Variants in ST6GALNAC5 observed in about 807,000 individuals in gnomAD.
ST6GALNAC5 encodes the protein alpha-N-acetylgalactosaminide alpha-2,6-sialyltransferase 5.
ST6GALNAC5 carries 27 observed loss-of-function variants against 33.6 expected under a neutral mutation model. That is an observed-to-expected ratio of 0.80 (90% CI 0.59 to 1.11). The LOEUF is 1.11. Among genes scored for constraint, ST6GALNAC5 ranks in the 50% least tolerant of loss-of-function variants. The pLI is 0.00. For synonymous variants in ST6GALNAC5, 194 were observed against 171.2 expected, an observed-to-expected ratio of 1.13 and a Z score of -1.04; for missense variants, 428 against 454.0, an observed-to-expected ratio of 0.94 and a Z score of 0.52.
At chr1:77,042,129 G>A (rs1651851915) in intron 2 of ST6GALNAC5, among the ~76,000 whole-genome samples, 6 of 152,182 alleles carry the variant, frequency 3.9e-5, no homozygotes, top group Admixed American at 3.9e-4. Flanking sequence ...TAAAATGGGA[G>A]TGATAATATA....
intron 2 of ST6GALNAC5, among the ~76,000 whole-genome samples, chr1:76,913,539 G>A (rs1213842380): frequency 3.3e-5 from 5 of 152,018 alleles, no homozygotes; most frequent in Admixed American, 1.3e-4. Context: ...CATTCTCCCC[G>A]TCACTTTCAG....
intron 2 of ST6GALNAC5, among the ~76,000 whole-genome samples, chr1:76,958,420 T>C (rs1406025943): frequency 6.6e-6 from 1 of 152,198 alleles, no homozygotes; most frequent in Non-Finnish European, 1.5e-5. Context: ...GTTTTGACTC[T>C]CATTTTCTAA....
intron 2 of ST6GALNAC5, among the ~76,000 whole-genome samples, chr1:76,935,591 ATTGG>A (rs1242508315): frequency 6.6e-6 from 1 of 151,864 alleles, no homozygotes; most frequent in Admixed American, 6.6e-5. Context: ...TTGGTGTTGT[ATTGG>A]TTGGTTGTTA....
At position 76,977,156 on chromosome 1, in the gene ST6GALNAC5, A is replaced by G. The variant is rs775711099; in HGVS notation, c.262-67048A>G. Among the ~76,000 whole-genome samples, 189 of 151,836 alleles carry G rather than the reference A, an allele frequency of 1.2e-3. 2 individuals carry two copies. Among genetic ancestry groups the G allele is most frequent in the Middle Eastern group, 3.4e-3 (1 of 292 alleles). On this transcript the variant is annotated intron_variant, in intron 2 of 4. Transcript: ENST00000477717. ...TATTTAATACATTTCTTTCCACTTT[A>G]TTTTTCATTACTAATAAGTTTTTTA...
At chr1:76,922,935 CAA>C (rs552411649) in intron 2 of ST6GALNAC5, among the ~76,000 whole-genome samples, 27 of 93,268 alleles carry the variant, frequency 2.9e-4, no homozygotes, top group East Asian at 3.1e-4. Flanking sequence ...AACCTTGCCT[CAA>C]AAAAAAAAAA....
At chr1:76,912,248 T>C (rs1198905986) in intron 2 of ST6GALNAC5, among the ~76,000 whole-genome samples, 2 of 152,222 alleles carry the variant, frequency 1.3e-5, no homozygotes, top group Non-Finnish European at 2.9e-5. Flanking sequence ...AGTGAGTTTC[T>C]TAATCCTGAG....
intron 2 of ST6GALNAC5, among the ~76,000 whole-genome samples, chr1:76,918,790 G>C (rs1205341122): frequency 6.6e-6 from 1 of 152,034 alleles, no homozygotes; most frequent in African/African-American, 2.4e-5. Context: ...AACTGCGTCT[G>C]TTACACACAC....
chr1:77,024,365 G>C (rs745961191), intron 2 of ST6GALNAC5, among the ~76,000 whole-genome samples: 3 of 152,144 alleles, frequency 2.0e-5, no homozygotes, highest in Non-Finnish European at 4.4e-5. Flanking sequence ...TGACTCTCAG[G>C]ATATTTCTTG....
In ST6GALNAC5 at chr1:77,063,343, A is replaced by G; in HGVS notation, c.*137A>G. 1 of 714,576 alleles carries G rather than the reference A, an allele frequency of 1.4e-6. No homozygotes were observed. Among genetic ancestry groups the G allele is most frequent in the Non-Finnish European group, 2.3e-6 (1 of 433,358 alleles). 44.3% of individuals were successfully genotyped at this position (714,576 alleles called of 1,614,324 possible). A position where few individuals can be genotyped will look rare whatever the true frequency, so the allele number is the denominator to read the frequency against. On this transcript the variant is annotated 3_prime_UTR_variant, in exon 5 of 5. Coordinates refer to ENST00000477717, the MANE Select transcript of ST6GALNAC5 (RefSeq NM_030965.3). Reference sequence around the variant, plus strand: ...CAGGAAGTACCATGGACAGACGCCTACCAGGGGTGACAAAGCAGTGCAGTT... The same window carrying G: ...CAGGAAGTACCATGGACAGACGCCTGCCAGGGGTGACAAAGCAGTGCAGTT...
intron 2 of ST6GALNAC5, among the ~76,000 whole-genome samples, chr1:76,963,383 C>T (rs1163383052): frequency 6.6e-6 from 1 of 152,162 alleles, no homozygotes; most frequent in Admixed American, 6.5e-5. Context: ...TACAGTTCTG[C>T]CTGCAAAGGC....
At chr1:76,913,873 T>A (rs899948716) in intron 2 of ST6GALNAC5, among the ~76,000 whole-genome samples, 42 of 152,046 alleles carry the variant, frequency 2.8e-4, no homozygotes, top group Non-Finnish European at 7.4e-5. Flanking sequence ...AAACAAAGGG[T>A]ATTCAATTAG....
intron 2 of ST6GALNAC5, among the ~76,000 whole-genome samples, chr1:77,015,297 G>A (rs1650788666): frequency 6.6e-6 from 1 of 152,142 alleles, no homozygotes; most frequent in Admixed American, 6.5e-5. Flanking sequence ...AGAAAAACAG[G>A]TTGTTAATCC....
chr1:76,869,769 C>CAT (rs1473627380), intron 2 of ST6GALNAC5, among the ~76,000 whole-genome samples: 1 of 152,128 alleles, frequency 6.6e-6, no homozygotes, highest in Non-Finnish European at 1.5e-5. Flanking sequence ...ATGCATAATG[C>CAT]TAAGGATTTG....
chr1:76,919,008 C>T (rs1647004375), intron 2 of ST6GALNAC5, among the ~76,000 whole-genome samples: 1 of 152,112 alleles, frequency 6.6e-6, no homozygotes, highest in Non-Finnish European at 1.5e-5. Context: ...CCTCTCTTGT[C>T]TTAGCAATGC....
At chr1:77,036,967 T>G (rs1318030303) in intron 2 of ST6GALNAC5, among the ~76,000 whole-genome samples, 1 of 152,144 alleles carries the variant, frequency 6.6e-6, no homozygotes, top group Non-Finnish European at 1.5e-5. Context: ...AAAGCCTCCC[T>G]GGGGAGGCGG....
intron 2 of ST6GALNAC5, among the ~76,000 whole-genome samples, chr1:76,915,508 C>A (rs1273344854): frequency 1.3e-5 from 2 of 152,106 alleles, no homozygotes; most frequent in African/African-American, 2.4e-5. Context: ...GAATACTACG[C>A]AGCCATAAAA....
intron 2 of ST6GALNAC5, among the ~76,000 whole-genome samples, chr1:77,020,293 T>C (rs1436456594): frequency 1.3e-5 from 2 of 152,224 alleles, no homozygotes; most frequent in African/African-American, 4.8e-5. Context: ...TTGCACTCGT[T>C]AGGCAGTCCA....
intron 2 of ST6GALNAC5, among the ~76,000 whole-genome samples, chr1:76,887,061 T>C (rs947270109): frequency 9.2e-5 from 14 of 152,118 alleles, no homozygotes; most frequent in East Asian, 1.9e-4. Flanking sequence ...TTTTCTTCCT[T>C]CTCAGCCACA....
chr1:76,992,751 T>C (rs1318240398), intron 2 of ST6GALNAC5, among the ~76,000 whole-genome samples: 2 of 152,178 alleles, frequency 1.3e-5, no homozygotes, highest in African/African-American at 4.8e-5. Context: ...CACCTCGGCC[T>C]TCCAAAGTGC....
Sources: allele counts gnomAD v4.1 joint callset (sites outside exome capture counted in the v4.1 genomes callset), GRCh38; gene constraint gnomAD v4.1.1; transcripts MANE v1.5; gene names NCBI Gene and HGNC (gene_info 2026-07-23, HGNC 2026-07-21).